Variants in ZNF335 observed in about 807,000 individuals in gnomAD.
ZNF335 encodes the protein NRC-interacting factor 1.
Under a neutral mutation model 145.6 loss-of-function variants are expected in ZNF335, and 84 were observed. That is an observed-to-expected ratio of 0.58 (90% CI 0.48 to 0.69). The LOEUF (loss-of-function observed/expected upper bound fraction) is 0.69, where lower values mean the gene tolerates loss of function less well. ZNF335 is among the 30% of genes least tolerant of loss of function. ZNF335 has a pLI of 0.00. For missense variants in ZNF335, 1,865 were observed against 1,809.7 expected (o/e 1.03, Z -0.55); for synonymous variants, 761 against 717.0 (o/e 1.06, Z -0.98).
chr20:45,956,048 G>T (rs2083723156), intron 17 of ZNF335, among the ~76,000 whole-genome samples: 1 of 152,124 alleles, frequency 6.6e-6, no homozygotes, highest in African/African-American at 2.4e-5. Flanking sequence ...AGATGACGCT[G>T]AGGAGCAGCC....
chr20:45,953,959 A>G lies in ZNF335; in HGVS notation c.2443-11T>C, dbSNP rs755840219. 6.4e-7 allele frequency: 1 copy of G among 1,572,278 alleles called. No individual in the cohort carries two copies. The highest frequency in any genetic ancestry group is 8.6e-7 in the Non-Finnish European group (1 of 1,157,076). On this transcript the variant is annotated splice_polypyrimidine_tract_variant and intron_variant, in intron 17 of 27. Coordinates refer to ENST00000322927, the MANE Select transcript of ZNF335 (RefSeq NM_022095.4). ...CTTCACCACAGCCACCTGCAACGGC[A>G]CCAGGGGGCGGGATGGGAGGCACTG...
At position 45,967,007 on chromosome 20, in the gene ZNF335, A is replaced by G. The variant is rs188750400; in HGVS notation, c.955+487T>C. On this transcript the variant is annotated intron_variant, in intron 6 of 27. Coordinates refer to ENST00000322927, the MANE Select transcript of ZNF335 (RefSeq NM_022095.4). ...GTTGAGATTACAGACACATACCACA[A>G]CAGGCTAATTTTTGTATTTTTCATA... The G allele has an allele frequency of 7.5e-4, 135 of 180,992 alleles. 2 individuals are homozygous for G. The highest frequency in any genetic ancestry group is 7.2e-3 in the Admixed American group (134 of 18,626). The allele number at this position is 180,992 out of a possible 1,614,324, so 11.2% of individuals were successfully genotyped here.
At chr20:45,962,248 T>G in intron 9 of ZNF335, 66 bp from the exon 10 acceptor site, 2 of 1,283,530 alleles carry the variant, frequency 1.6e-6, no homozygotes, top group Non-Finnish European at 2.3e-6. Flanking sequence ...GTCCCCACCA[T>G]GCCTGTGGCC....
At chr20:45,952,952 C>T (rs1283997952) in intron 18 of ZNF335, among the ~76,000 whole-genome samples, 1 of 152,076 alleles carries the variant, frequency 6.6e-6, no homozygotes, top group Non-Finnish European at 1.5e-5. Flanking sequence ...GCAAACATGG[C>T]GAGGTGGGGG....
At chr20:45,957,491 G>C (rs965736489) in intron 17 of ZNF335, 95 bp downstream of exon 17, 33 of 1,217,574 alleles carry the variant, frequency 2.7e-5, no homozygotes, top group Non-Finnish European at 3.7e-5. Context: ...GGGCGGAGAA[G>C]CTCTGATACA....
intron 14 of ZNF335, among the ~76,000 whole-genome samples, chr20:45,959,696 TCTGG>T (rs2083797974): frequency 6.6e-6 from 1 of 152,328 alleles, no homozygotes; most frequent in South Asian, 2.1e-4. Flanking sequence ...ATCACAGGAC[TCTGG>T]CTAAGGGAAC....
chr20:45,965,638 G>A lies in ZNF335; in HGVS notation c.1092C>T (p.Asp364=). 1.9e-6 allele frequency: 3 copies of A among 1,599,824 alleles called. No individual in the cohort carries two copies. Among genetic ancestry groups the A allele is most frequent in the East Asian group, 2.3e-5 (1 of 43,072 alleles). The change falls in exon 7 of 28, where the codon GAC becomes GAT. Residue 364 remains aspartate (D), a synonymous_variant. Transcript: ENST00000322927. ...PRKLPRLEIS[D]LPDGVEGEPL... ...AAGACCAAGCCTCACCATCTGGGAG[G>A]TCTGAGATCTCCAGGCGGGGCAGCT... is the stretch of plus-strand genomic sequence containing the variant.
intron 3 of ZNF335, 100 bp downstream of exon 3, chr20:45,969,351 A>G: frequency 7.4e-7 from 1 of 1,355,282 alleles, no homozygotes; most frequent in East Asian, 2.5e-5. Context: ...CACATTCCAC[A>G]TGGGAAAGTA....
At chr20:45,952,555 AG>A in intron 19 of ZNF335, 34 bp from the exon 20 acceptor site, 1 of 1,609,792 alleles carries the variant, frequency 6.2e-7, no homozygotes, top group Non-Finnish European at 8.5e-7. Flanking sequence ...GGTACTGAGA[AG>A]GGGAGGGAGG....
rs759764970 is a variant in ZNF335 at position 45,950,599 on chromosome 20, CAG to C, written c.3190-6_3190-5del. On this transcript the variant is annotated splice_polypyrimidine_tract_variant and splice_region_variant and intron_variant, in intron 20 of 27. Coordinates refer to ENST00000322927, the MANE Select transcript of ZNF335 (RefSeq NM_022095.4). ...TTGAGTGCTGTGCCATGTGCGCCTGCAGAGAGGGCAGAGTTGGGGGCATTGGC... is the reference window on the plus strand; with the variant it reads ...TTGAGTGCTGTGCCATGTGCGCCTGCAGAGGGCAGAGTTGGGGGCATTGGC... 4.7e-5 allele frequency: 76 copies of C among 1,613,784 alleles called. No homozygotes were observed. The highest frequency in any genetic ancestry group is 1.7e-4 in the Middle Eastern group (1 of 6,052).
chr20:45,957,863 C>T lies in ZNF335; in HGVS notation c.2319G>A (p.Leu773=), dbSNP rs992942476. The change falls in exon 16 of 28, where the codon CTG becomes CTA. Residue 773 remains leucine, a synonymous_variant. Transcript: ENST00000322927. ...EAPSLLCSDT[L]GGATIIYQQG... ...GCTGGTAGATGATGGTGGCGCCGCC[C>T]AGGGTGTCAGAACAGAGCAATGAGG... 1.2e-6 allele frequency: 2 copies of T among 1,613,796 alleles called. No homozygotes were observed. The highest frequency in any genetic ancestry group is 2.7e-5 in the African/African-American group (2 of 74,842).
chr20:45,954,062 G>T, intron 17 of ZNF335, 114 bp from the exon 18 acceptor site: 1 of 1,283,650 alleles, frequency 7.8e-7, no homozygotes, highest in Non-Finnish European at 1.1e-6. Flanking sequence ...AGTCAGACCA[G>T]TGCTGCCACC....
chr20:45,971,945 TGTG>T (rs1270402308), intron 1 of ZNF335, 174 bp downstream of exon 1: 4 of 985,266 alleles, frequency 4.1e-6, no homozygotes, highest in Non-Finnish European at 4.8e-6. Flanking sequence ...GACGCCATCT[TGTG>T]GTGGCGCCGG....
rs1023135017 is a variant in ZNF335, at chr20:45,948,864, C to T, written c.*89G>A. The T allele has an allele frequency of 4.4e-6, 7 of 1,585,482 alleles. No homozygotes were observed. The highest frequency in any genetic ancestry group is 1.7e-4 in the Middle Eastern group (1 of 5,800). ...TGCTGGCTATCCAGTATCTGGAGAT[C>T]CTAAATGAAGAGGGAGGTGAGTCCT... On this transcript the variant is annotated 3_prime_UTR_variant, in exon 28 of 28. Coordinates refer to ENST00000322927, the MANE Select transcript of ZNF335 (RefSeq NM_022095.4).
chr20:45,959,030 C>T (rs1359500034), intron 15 of ZNF335, among the ~76,000 whole-genome samples, 171 bp downstream of exon 15: 1 of 152,230 alleles, frequency 6.6e-6, no homozygotes, highest in Non-Finnish European at 1.5e-5. Flanking sequence ...ATTACCAGCA[C>T]TAGAAAGCCA....
chr20:45,949,657 G>C (rs988849625), intron 24 of ZNF335, 89 bp from the exon 25 acceptor site: 3 of 1,465,718 alleles, frequency 2.0e-6, no homozygotes, highest in Non-Finnish European at 9.3e-7. Flanking sequence ...GGAAGACTAG[G>C]AACAGCCACC....
intron 17 of ZNF335, 151 bp downstream of exon 17, chr20:45,957,435 C>A (rs1302227644): frequency 8.4e-6 from 6 of 711,572 alleles, no homozygotes; most frequent in Non-Finnish European, 1.2e-5. Flanking sequence ...TGTTTGCCCA[C>A]CAGACTTCAG....
intron 6 of ZNF335, among the ~76,000 whole-genome samples, chr20:45,966,016 A>G (rs1210760533): frequency 2.0e-5 from 3 of 152,150 alleles, no homozygotes; most frequent in Admixed American, 6.5e-5. Context: ...CTTCATGTGA[A>G]TAGGGAAAAG....
chr20:45,966,054 C>G (rs1448999774), intron 6 of ZNF335, among the ~76,000 whole-genome samples: 2 of 152,102 alleles, frequency 1.3e-5, no homozygotes, highest in Non-Finnish European at 2.9e-5. Context: ...CACTGTACAG[C>G]CAGTTAGAAA....
Sources: allele counts gnomAD v4.1 joint callset (sites outside exome capture counted in the v4.1 genomes callset), GRCh38; gene constraint gnomAD v4.1.1; transcripts MANE v1.5; gene names NCBI Gene and HGNC (gene_info 2026-07-23, HGNC 2026-07-21).